RARB: variants seen among roughly 807,000 people sequenced by gnomAD.
RARB encodes HBV-activated protein.
RARB carries 17 observed loss-of-function variants against 51.9 expected under a neutral mutation model. That is an observed-to-expected ratio of 0.33 (90% CI 0.22 to 0.49). The LOEUF (loss-of-function observed/expected upper bound fraction) is 0.49. RARB is among the 20% of genes least tolerant of loss of function. The pLI, the probability that RARB is intolerant of heterozygous loss-of-function variation, is 0.99. For missense variants in RARB, 369 were observed against 550.8 expected (o/e 0.67, Z 3.30); for synonymous variants, 215 against 195.4 (o/e 1.10, Z -0.84).
intron 3 of RARB, among the ~76,000 whole-genome samples, chr3:25,501,768 A>G (rs954433656): frequency 3.9e-5 from 6 of 152,220 alleles, no homozygotes; most frequent in Non-Finnish European, 5.9e-5. Context: ...AACTTGTGGA[A>G]GAAACATTTC....
intron 5 of RARB, among the ~76,000 whole-genome samples, chr3:25,325,432 G>T (rs1260134968): frequency 6.6e-6 from 1 of 152,036 alleles, no homozygotes. Flanking sequence ...ACTTAGAACG[G>T]CTAACCTCCT....
chr3:25,417,392 T>C (rs1707732446), intron 5 of RARB, among the ~76,000 whole-genome samples: 1 of 152,074 alleles, frequency 6.6e-6, no homozygotes, highest in Non-Finnish European at 1.5e-5. Context: ...CCAGATCTCA[T>C]CTTGAATTCC....
intron 5 of RARB, among the ~76,000 whole-genome samples, chr3:25,243,980 A>G (rs1448422175): frequency 6.6e-6 from 1 of 152,128 alleles, no homozygotes; most frequent in Non-Finnish European, 1.5e-5. Context: ...TACTGCCTCA[A>G]TTTCAGAACT....
At chr3:25,424,770 G>T (rs73820491), upstream of RARB, among the ~76,000 whole-genome samples, 397 of 152,220 alleles carry the variant, frequency 2.6e-3, 1 homozygote, top group African/African-American at 9.1e-3. Flanking sequence ...CTGCAGTACG[G>T]TGCACAGACA....
At chr3:25,435,890 G>C (rs187193638) in intron 1 of RARB, among the ~76,000 whole-genome samples, 1 of 151,874 alleles carries the variant, frequency 6.6e-6, no homozygotes, top group Non-Finnish European at 1.5e-5. Flanking sequence ...TACAGTAGTC[G>C]TGCCATGGAG....
intron 2 of RARB, among the ~76,000 whole-genome samples, chr3:24,884,259 TGAAACTGTTGATTCTCCAGTAAAG>T (rs1294100218): frequency 6.6e-6 from 1 of 152,208 alleles, no homozygotes; most frequent in African/African-American, 2.4e-5. Flanking sequence ...AAAATGTCTG[TGAAACTGTTGATTCTCCAGTAAAG>T]GAGGTTGGAA....
At chr3:25,171,083 A>G (rs1700636981) in intron 4 of RARB, among the ~76,000 whole-genome samples, 2 of 152,056 alleles carry the variant, frequency 1.3e-5, no homozygotes, top group Non-Finnish European at 1.5e-5. Flanking sequence ...GAAACTTGAC[A>G]TAAAGCCTAC....
chr3:25,138,032 A>C (rs1232465062), intron 4 of RARB, among the ~76,000 whole-genome samples: 1 of 152,128 alleles, frequency 6.6e-6, no homozygotes, highest in Non-Finnish European at 1.5e-5. Flanking sequence ...TGGTCAGGCA[A>C]CTGAAGAGAT....
chr3:25,531,089 G>A (rs1467486344), intron 3 of RARB, among the ~76,000 whole-genome samples: 1 of 152,196 alleles, frequency 6.6e-6, no homozygotes, highest in Non-Finnish European at 1.5e-5. Context: ...TGAAGAGTGT[G>A]TTTTAAGTTA....
At chr3:24,857,881 A>T (rs938832986) in intron 1 of RARB, among the ~76,000 whole-genome samples, 4 of 152,186 alleles carry the variant, frequency 2.6e-5, no homozygotes, top group Admixed American at 2.6e-4. Context: ...AGCTGTTATT[A>T]TGCCACTGCA....
intron 5 of RARB, among the ~76,000 whole-genome samples, chr3:25,207,550 A>G (rs1406777641): frequency 6.6e-6 from 1 of 152,230 alleles, no homozygotes; most frequent in African/African-American, 2.4e-5. Flanking sequence ...ATTACAAAAC[A>G]TAAATAAAAA....
At chr3:25,150,806 T>C (rs905355466) in intron 4 of RARB, among the ~76,000 whole-genome samples, 22 of 152,340 alleles carry the variant, frequency 1.4e-4, no homozygotes, top group Admixed American at 2.0e-4. Flanking sequence ...CTAGTAGTTT[T>C]AGAAACCCAA....
chr3:25,372,661 A>AAAAC (rs544436699), intron 5 of RARB, among the ~76,000 whole-genome samples: 313 of 152,236 alleles, frequency 2.1e-3, no homozygotes, highest in African/African-American at 7.3e-3. Flanking sequence ...TGTCTTTACA[A>AAAAC]AAACAAACAA....
chr3:25,359,045 A>G (rs781204127), intron 5 of RARB, among the ~76,000 whole-genome samples: 3 of 152,008 alleles, frequency 2.0e-5, no homozygotes, highest in Non-Finnish European at 4.4e-5. Context: ...GAATAGTTTC[A>G]TAAGGAATGG....
intron 2 of RARB, among the ~76,000 whole-genome samples, chr3:24,893,836 T>C (rs1015785124): frequency 2.6e-5 from 4 of 152,198 alleles, no homozygotes; most frequent in Non-Finnish European, 5.9e-5. Flanking sequence ...TAAAATTGTT[T>C]TTATGGATGT....
intron 5 of RARB, among the ~76,000 whole-genome samples, chr3:25,195,120 G>C (rs187331842): frequency 6.6e-6 from 1 of 151,922 alleles, no homozygotes; most frequent in South Asian, 2.1e-4. Flanking sequence ...GGTACAAAAG[G>C]TCTTTATCAT....
intron 5 of RARB, among the ~76,000 whole-genome samples, chr3:25,289,472 T>C (rs1195546231): frequency 6.6e-6 from 1 of 152,200 alleles, no homozygotes; most frequent in Non-Finnish European, 1.5e-5. Flanking sequence ...TGTTCTTGTA[T>C]ATGTTGTCTG....
intron 2 of RARB, among the ~76,000 whole-genome samples, chr3:25,006,239 A>G (rs4858137): frequency 1.3e-5 from 2 of 151,978 alleles, no homozygotes; most frequent in Admixed American, 6.6e-5. Flanking sequence ...GAGTTTGTCT[A>G]TCTCTCTAAA....
At chr3:24,830,603 G>A (rs1203503108) in intron 1 of RARB, among the ~76,000 whole-genome samples, 1 of 151,116 alleles carries the variant, frequency 6.6e-6, no homozygotes, top group Non-Finnish European at 1.5e-5. Context: ...TGGTCGCGGA[G>A]TGGAACAGAC....
Sources: allele counts gnomAD v4.1 joint callset (sites outside exome capture counted in the v4.1 genomes callset), GRCh38; gene constraint gnomAD v4.1.1; transcripts MANE v1.5; gene names NCBI Gene and HGNC (gene_info 2026-07-23, HGNC 2026-07-21).